Variants in PAG1 observed in about 807,000 individuals in gnomAD.
PAG1 encodes phosphoprotein associated with glycosphingolipid-enriched microdomains 1.
A neutral mutation model predicts 31.7 loss-of-function variants in PAG1; 23 were observed. That is an observed-to-expected ratio of 0.73 (90% CI 0.52 to 1.03). The LOEUF (loss-of-function observed/expected upper bound fraction) is 1.03. Among genes scored for constraint, PAG1 ranks in the 50% least tolerant of loss-of-function variants. The pLI is 0.00. For missense variants in PAG1, 473 were observed against 540.7 expected (o/e 0.87, Z 1.24); for synonymous variants, 214 against 210.3 (o/e 1.02, Z -0.15).
At chr8:81,090,874 G>A (rs1809433850) in intron 1 of PAG1, among the ~76,000 whole-genome samples, 1 of 152,144 alleles carries the variant, frequency 6.6e-6, no homozygotes, top group African/African-American at 2.4e-5. Context: ...CTCTTACCTG[G>A]AGACAATGTT....
chr8:80,973,677 C>T lies in PAG1; in HGVS notation c.*2867G>A, dbSNP rs1166170186. On this transcript the variant is annotated 3_prime_UTR_variant, in exon 9 of 9. Transcript: ENST00000220597. ...CTACCTTTCATACATTTTATTTAAA[C>T]TGTAGCATTAGCTCAAGATGAAACT... The T allele has an allele frequency of 6.6e-6, 1 of 152,180 alleles. No homozygotes were observed. The highest frequency in any genetic ancestry group is 2.4e-5 in the African/African-American group (1 of 41,436). 9.4% of individuals were successfully genotyped at this position (152,180 alleles called of 1,614,324 possible).
intron 2 of PAG1, among the ~76,000 whole-genome samples, chr8:81,040,085 G>A (rs936063787): frequency 1.3e-5 from 2 of 152,044 alleles, no homozygotes; most frequent in African/African-American, 4.8e-5. Context: ...TCCCCTCTTG[G>A]TTAATTCATG....
At chr8:81,035,707 T>C (rs1406318582) in intron 2 of PAG1, among the ~76,000 whole-genome samples, 1 of 152,108 alleles carries the variant, frequency 6.6e-6, no homozygotes, top group African/African-American at 2.4e-5. Context: ...ATTTTCTGGA[T>C]GTTCTCTTCT....
chr8:80,986,248 A>G (rs1010906423), intron 6 of PAG1, among the ~76,000 whole-genome samples: 2 of 152,006 alleles, frequency 1.3e-5, no homozygotes, highest in African/African-American at 4.8e-5. Flanking sequence ...ACTTACCAAC[A>G]CCCCTGTGTG....
chr8:81,014,490 A>C (rs1216989965), intron 3 of PAG1, among the ~76,000 whole-genome samples: 3 of 152,250 alleles, frequency 2.0e-5, no homozygotes, highest in African/African-American at 7.2e-5. Flanking sequence ...AGGCTTTGAA[A>C]GCCAAAGCAA....
rs1807157135 is a variant in PAG1 at position 80,975,284 on chromosome 8, T to C, written c.*1260A>G. On this transcript the variant is annotated 3_prime_UTR_variant, in exon 9 of 9. Transcript: ENST00000220597. ...AGTACCATTTAAAAAGGTGAGTCTT[T>C]AAAAACCATCAGTGTTTTAAACACT... The C allele has an allele frequency of 6.6e-6, 1 of 152,212 alleles. No individual in the cohort carries two copies. The highest frequency in any genetic ancestry group is 2.4e-5 in the African/African-American group (1 of 41,456). The allele number at this position is 152,212 out of a possible 1,614,324, so 9.4% of individuals were successfully genotyped here.
intron 3 of PAG1, among the ~76,000 whole-genome samples, chr8:81,007,950 T>C (rs771418496): frequency 1.3e-4 from 20 of 152,148 alleles, no homozygotes; most frequent in Non-Finnish European, 2.9e-4. Flanking sequence ...GAAAAATATA[T>C]TTACAAAACA....
At chr8:80,996,111 G>C (rs1807667198) in intron 3 of PAG1, among the ~76,000 whole-genome samples, 1 of 152,266 alleles carries the variant, frequency 6.6e-6, no homozygotes, top group African/African-American at 2.4e-5. Flanking sequence ...AGTCCTCAGG[G>C]ACAAAGGCCC....
intron 3 of PAG1, among the ~76,000 whole-genome samples, chr8:81,008,582 A>G (rs1281443532): frequency 6.7e-6 from 1 of 148,784 alleles, no homozygotes; most frequent in Non-Finnish European, 1.5e-5. Context: ...ATAATATAGT[A>G]GTATATATAA....
In PAG1 at chr8:80,976,468, T is replaced by C; in HGVS notation, c.*76A>G. The C allele has an allele frequency of 1.4e-6, 2 of 1,417,340 alleles. No homozygotes were observed. The highest frequency in any genetic ancestry group is 2.7e-5 in the South Asian group (2 of 72,850). The allele number at this position is 1,417,340 out of a possible 1,614,324, so 87.8% of individuals were successfully genotyped here. ...AAGCAGCATATGAAGTATAGGTTTG[T>C]GTCACTTCTTCTCTTCCACAGAAGA... On this transcript the variant is annotated 3_prime_UTR_variant, in exon 9 of 9. Coordinates refer to ENST00000220597, the MANE Select transcript of PAG1 (RefSeq NM_018440.4).
intron 2 of PAG1, among the ~76,000 whole-genome samples, chr8:81,032,424 A>G (rs925204124): frequency 6.6e-6 from 1 of 152,198 alleles, no homozygotes; most frequent in African/African-American, 2.4e-5. Flanking sequence ...TCCAAAAAAG[A>G]TACACAAATA....
intron 2 of PAG1, among the ~76,000 whole-genome samples, chr8:81,051,346 T>C (rs1408665958): frequency 6.6e-6 from 1 of 152,208 alleles, no homozygotes; most frequent in Admixed American, 6.5e-5. Flanking sequence ...AGCCCCAAAC[T>C]GTCACATAAA....
At chr8:80,987,831 T>C (rs556982833) in intron 5 of PAG1, among the ~76,000 whole-genome samples, 22 of 152,390 alleles carry the variant, frequency 1.4e-4, no homozygotes, top group East Asian at 9.6e-4. Flanking sequence ...ATATCTTGTA[T>C]GGTTCTCACC....
intron 2 of PAG1, among the ~76,000 whole-genome samples, chr8:81,034,933 C>T (rs1033083668): frequency 3.9e-5 from 6 of 152,168 alleles, no homozygotes; most frequent in African/African-American, 1.4e-4. Context: ...GAAGAGCCTG[C>T]TGCAGCTACA....
rs1380432633 is a variant in PAG1 at position 81,022,618 on chromosome 8, T to C, written c.-81+7378A>G. Reference sequence around the variant, plus strand: ...ATTTCATTTCACAATAATGCCCATATATTATTGGGAAAATTGTACTAATTT... The same window carrying C: ...ATTTCATTTCACAATAATGCCCATACATTATTGGGAAAATTGTACTAATTT... On this transcript the variant is annotated intron_variant, in intron 3 of 8. Transcript: ENST00000220597. Among the ~76,000 whole-genome samples the C allele has an allele frequency of 3.9e-5, 6 of 152,324 alleles. No homozygotes were observed. In the East Asian group the frequency reaches 1.2e-3, roughly 29 times the overall value.
At chr8:80,999,131 G>A (rs1220387251) in intron 3 of PAG1, among the ~76,000 whole-genome samples, 1 of 152,194 alleles carries the variant, frequency 6.6e-6, no homozygotes, top group Non-Finnish European at 1.5e-5. Context: ...AAGCTAAAGT[G>A]TGCAAATTCA....
chr8:81,032,676 G>A (rs1361041287), intron 2 of PAG1, among the ~76,000 whole-genome samples: 1 of 152,190 alleles, frequency 6.6e-6, no homozygotes, highest in African/African-American at 2.4e-5. Context: ...TCCTCAGAAT[G>A]TTAAACAGAG....
At chr8:81,026,980 T>G (rs1383509253) in intron 3 of PAG1, among the ~76,000 whole-genome samples, 1 of 152,248 alleles carries the variant, frequency 6.6e-6, no homozygotes, top group Non-Finnish European at 1.5e-5. Flanking sequence ...ATCTTTGTGA[T>G]GTACTTCAAA....
chr8:81,006,818 T>C lies in PAG1; in HGVS notation c.-80-13511A>G, dbSNP rs1357759151. On this transcript the variant is annotated intron_variant, in intron 3 of 8. Coordinates refer to ENST00000220597, the MANE Select transcript of PAG1 (RefSeq NM_018440.4). ...TGAAGGATCATATGTGGAACTCACA[T>C]TGTATGCCACAGTATTAAGAACTTT... Among the ~76,000 whole-genome samples, 4 of 152,208 alleles carry C rather than the reference T, an allele frequency of 2.6e-5. No individual in the cohort carries two copies. The South Asian group carries it at 8.3e-4, about 32-fold the overall frequency.
Sources: gnomAD v4.1 joint callset for allele counts (sites outside exome capture counted in the v4.1 genomes callset) on GRCh38, gnomAD v4.1.1 for gene constraint, MANE v1.5 for transcripts, NCBI Gene and HGNC (gene_info 2026-07-23, HGNC 2026-07-21) for gene names.